RAB7A: variants seen among roughly 807,000 people sequenced by gnomAD.
RAB7A encodes the protein RAB7A, member RAS oncogene family, also known as ras-related protein Rab-7a.
A neutral mutation model predicts 24.5 loss-of-function variants in RAB7A; 2 were observed. The ratio of observed to expected loss-of-function variants is 0.08; its 90% CI spans 0.03 to 0.26. The LOEUF (loss-of-function observed/expected upper bound fraction) is 0.26, where lower values mean the gene tolerates loss of function less well. Among genes scored for constraint, RAB7A ranks in the 10% least tolerant of loss-of-function variants. The pLI, the probability that RAB7A is intolerant of heterozygous loss-of-function variation, is 1.00. For missense variants in RAB7A, 118 were observed against 255.7 expected (o/e 0.46, Z 3.67); for synonymous variants, 100 against 95.9 (o/e 1.04, Z -0.25).
intron 1 of RAB7A, among the ~76,000 whole-genome samples, chr3:128,736,340 G>GT (rs1375877358): frequency 1.3e-5 from 2 of 152,108 alleles, no homozygotes; most frequent in Non-Finnish European, 2.9e-5. Context: ...TTATCATTCA[G>GT]TTTTATTTAA....
At chr3:128,737,206 AT>A (rs1240911604) in intron 1 of RAB7A, among the ~76,000 whole-genome samples, 13 of 151,646 alleles carry the variant, frequency 8.6e-5, no homozygotes, top group Non-Finnish European at 1.6e-4. Flanking sequence ...CACCTGGCTA[AT>A]TTTTTGTATA....
At chr3:128,796,181 C>A (rs1186752143) in intron 2 of RAB7A, among the ~76,000 whole-genome samples, 4 of 152,174 alleles carry the variant, frequency 2.6e-5, no homozygotes, top group Admixed American at 1.3e-4. Context: ...ATGTAGCTAA[C>A]TCTAATGGCT....
At position 128,797,923 on chromosome 3, in the gene RAB7A, T is replaced by A. The variant is rs370926984; in HGVS notation, c.54-20T>A. The A allele has an allele frequency of 6.2e-7, 1 of 1,612,370 alleles. No individual in the cohort carries two copies. Among genetic ancestry groups the A allele is most frequent in the Non-Finnish European group, 8.5e-7 (1 of 1,178,750 alleles). On this transcript the variant is annotated intron_variant, in intron 2 of 5. Transcript: ENST00000265062. The stretch of plus-strand genomic sequence containing the variant: ...GACCCTCCTATTTGACTTATACTTA[T>A]GGTTTTTCTCCAATTTCAGAGTCGG...
chr3:128,749,747 T>G (rs1453204830), intron 1 of RAB7A, among the ~76,000 whole-genome samples: 1 of 152,228 alleles, frequency 6.6e-6, no homozygotes, highest in African/African-American at 2.4e-5. Context: ...CCATGTGAGA[T>G]GTGACTTGCT....
At chr3:128,768,989 T>TTC (rs1313336032) in intron 1 of RAB7A, among the ~76,000 whole-genome samples, 1 of 142,166 alleles carries the variant, frequency 7.0e-6, no homozygotes, top group African/African-American at 2.6e-5. Context: ...TTTTTTTTTT[T>TTC]TTTTTTAAGG....
chr3:128,732,454 C>G (rs1028944700), intron 1 of RAB7A, among the ~76,000 whole-genome samples: 4 of 151,732 alleles, frequency 2.6e-5, no homozygotes, highest in Admixed American at 2.0e-4. Context: ...GATTCACTAC[C>G]CCGAGGAAGA....
intron 5 of RAB7A, among the ~76,000 whole-genome samples, chr3:128,809,936 C>CTTGTTTTTTTTTTTTTTTTTTTTT: frequency 1.9e-5 from 1 of 52,258 alleles, no homozygotes; most frequent in Non-Finnish European, 3.4e-5. Context: ...TTGCCACAGT[C>CTTGTTTTTTTTTTTTTTTTTTTTT]TTTTTTTTTT....
chr3:128,737,350 T>C (rs2070499723), intron 1 of RAB7A, among the ~76,000 whole-genome samples: 1 of 146,416 alleles, frequency 6.8e-6, no homozygotes, highest in African/African-American at 2.6e-5. Context: ...TTTTTTTTTT[T>C]TTTTTTTTGA....
At chr3:128,738,711 A>G (rs968464209) in intron 1 of RAB7A, among the ~76,000 whole-genome samples, 2 of 152,252 alleles carry the variant, frequency 1.3e-5, no homozygotes, top group African/African-American at 4.8e-5. Flanking sequence ...GGTAAGTCCC[A>G]GACTGATTTA....
intron 1 of RAB7A, among the ~76,000 whole-genome samples, chr3:128,763,580 A>G (rs9814963): frequency 0.053 from 8,128 of 152,136 alleles, 632 homozygotes; most frequent in African/African-American, 0.17. Context: ...TTGTTCCACT[A>G]TTAGAGACAG....
intron 1 of RAB7A, among the ~76,000 whole-genome samples, chr3:128,779,677 G>C (rs981476291): frequency 1.3e-5 from 2 of 152,088 alleles, no homozygotes; most frequent in African/African-American, 4.8e-5. Context: ...CTGCAGCCTT[G>C]AACTCCTAGG....
At chr3:128,737,585 A>G (rs190123162) in intron 1 of RAB7A, among the ~76,000 whole-genome samples, 8 of 151,164 alleles carry the variant, frequency 5.3e-5, no homozygotes, top group Admixed American at 1.3e-4. Context: ...AGCTCCAGCA[A>G]TCTGCTTGCC....
At chr3:128,813,240 G>C in intron 5 of RAB7A, 87 bp from the exon 6 acceptor site, 1 of 1,246,422 alleles carries the variant, frequency 8.0e-7, no homozygotes, top group Non-Finnish European at 1.2e-6. Flanking sequence ...GCAGAAGTGA[G>C]CCCCTCCTGG....
chr3:128,731,834 C>T (rs1401098430), intron 1 of RAB7A, among the ~76,000 whole-genome samples: 2 of 151,762 alleles, frequency 1.3e-5, no homozygotes, highest in South Asian at 2.1e-4. Flanking sequence ...GGTGAAACCC[C>T]GTCTATACTA....
chr3:128,775,136 A>T (rs1933057298), intron 1 of RAB7A, among the ~76,000 whole-genome samples: 2 of 152,188 alleles, frequency 1.3e-5, no homozygotes, highest in Non-Finnish European at 2.9e-5. Context: ...GCCACTGAGC[A>T]GGGAGAGCCC....
intron 1 of RAB7A, among the ~76,000 whole-genome samples, chr3:128,767,713 G>A (rs1470236554): frequency 3.9e-5 from 6 of 152,156 alleles, no homozygotes; most frequent in East Asian, 1.9e-4. Flanking sequence ...CAAGGCAGAC[G>A]TTTGCAGCAG....
At chr3:128,793,314 C>T (rs1374190350) in intron 1 of RAB7A, among the ~76,000 whole-genome samples, 2 of 151,590 alleles carry the variant, frequency 1.3e-5, no homozygotes, top group Admixed American at 6.6e-5. Context: ...AGCCACTGTG[C>T]CCAGCAATTT....
chr3:128,768,969 C>CTTTTTTTTTT (rs35457218), intron 1 of RAB7A, among the ~76,000 whole-genome samples: 1 of 72,606 alleles, frequency 1.4e-5, no homozygotes, highest in African/African-American at 6.5e-5. Context: ...TCTTTCTTTC[C>CTTTTTTTTTT]TTTTTTTTTT....
intron 1 of RAB7A, among the ~76,000 whole-genome samples, chr3:128,728,628 A>C (rs904923992): frequency 6.6e-6 from 1 of 151,982 alleles, no homozygotes; most frequent in Non-Finnish European, 1.5e-5. Flanking sequence ...ATGCCCAGCT[A>C]ATCTTGTATT....
Sources: allele counts gnomAD v4.1 joint callset (sites outside exome capture counted in the v4.1 genomes callset), GRCh38; gene constraint gnomAD v4.1.1; transcripts MANE v1.5; gene names NCBI Gene and HGNC (gene_info 2026-07-23, HGNC 2026-07-21).